Variants in TBK1 observed in about 807,000 individuals in gnomAD.
The protein encoded by TBK1 is TANK binding kinase 1, also known as serine/threonine-protein kinase TBK1.
In TBK1, 37 loss-of-function variants were observed where a neutral mutation model predicts 99.9. The observed-to-expected ratio is 0.37, with a 90% CI of 0.28 to 0.49. The LOEUF (loss-of-function observed/expected upper bound fraction) is 0.49, where lower values mean the gene tolerates loss of function less well. Ranked by LOEUF, TBK1 falls within the 20% of genes least tolerant of loss-of-function variation. The probability of loss-of-function intolerance (pLI) is 0.98; values close to 1 mark genes in which losing one functional copy is unlikely to be tolerated. For missense variants in TBK1, 644 were observed against 872.5 expected (o/e 0.74, Z 3.30); for synonymous variants, 258 against 279.8 (o/e 0.92, Z 0.78).
At chr12:64,454,543 G>A (rs1272585691) in intron 1 of TBK1, among the ~76,000 whole-genome samples, 3 of 151,908 alleles carry the variant, frequency 2.0e-5, no homozygotes, top group African/African-American at 7.3e-5. Context: ...CACTGCACCC[G>A]GCTGAGAAAT....
intron 5 of TBK1, among the ~76,000 whole-genome samples, chr12:64,471,155 C>G (rs562617809): frequency 6.6e-6 from 1 of 152,000 alleles, no homozygotes; most frequent in Non-Finnish European, 1.5e-5. Context: ...AAACATTCTT[C>G]TACTGTTTTT....
intron 2 of TBK1, among the ~76,000 whole-genome samples, 158 bp downstream of exon 2, chr12:64,456,115 A>G (rs898586472): frequency 5.3e-5 from 8 of 152,250 alleles, no homozygotes; most frequent in Admixed American, 2.6e-4. Flanking sequence ...TAGCTGTGTC[A>G]GGCAGTGAAC....
At position 64,497,721 on chromosome 12, in the gene TBK1, C is replaced by G; in HGVS notation, c.2033C>G (p.Pro678Arg). Reference sequence around the variant, plus strand: ...AAACATACCATGACCCCAATTTATCCAAGTTCTAACACATTAGTAGAAATG... The same window carrying G: ...AAACATACCATGACCCCAATTTATCGAAGTTCTAACACATTAGTAGAAATG... ...GIKHTMTPIY[P>R]SSNTLVEMTL... is the part of the protein sequence containing the mutation. Residue 678 changes from proline to arginine, a missense_variant, in exon 19 of 21, where the codon CCA becomes CGA. Physicochemically the swap from Pro to Arg is moderately radical, Grantham distance 103. Around this residue, in one of 3 missense-constraint regions of TBK1, gnomAD observed 465 missense variants for 588.0 expected, o/e 0.79. Coordinates refer to ENST00000331710, the MANE Select transcript of TBK1 (RefSeq NM_013254.4). The G allele has an allele frequency of 6.2e-7, 1 of 1,607,402 alleles. No individual in the cohort carries two copies. The highest frequency in any genetic ancestry group is 8.5e-7 in the Non-Finnish European group (1 of 1,177,568).
chr12:64,463,991 G>A (rs920117711), intron 3 of TBK1, among the ~76,000 whole-genome samples: 3 of 151,864 alleles, frequency 2.0e-5, no homozygotes, highest in Non-Finnish European at 4.4e-5. Context: ...AGTCTCCTGA[G>A]TAGCTGGGAC....
Position 64,496,418 on chromosome 12 carries a change from G to T in TBK1, c.1760+12G>T. ...CACAAATTTGATAAGTAAGTATCCA[G>T]ATTATGTTTAATAGTTATTTTTGGT... On this transcript the variant is annotated intron_variant, in intron 16 of 20. Coordinates refer to ENST00000331710, the MANE Select transcript of TBK1 (RefSeq NM_013254.4). 1 of 1,230,470 alleles carries T rather than the reference G, an allele frequency of 8.1e-7. No individual in the cohort carries two copies. The highest frequency in any genetic ancestry group is 2.4e-5 in the Admixed American group (1 of 41,228). 76.2% of individuals were successfully genotyped at this position (1,230,470 alleles called of 1,614,324 possible).
intron 6 of TBK1, among the ~76,000 whole-genome samples, chr12:64,479,404 A>G (rs572689228): frequency 6.6e-6 from 1 of 152,230 alleles, no homozygotes; most frequent in African/African-American, 2.4e-5. Context: ...CTGAGGAAGC[A>G]GCAAATGGTC....
At chr12:64,476,950 T>C (rs535865510) in intron 6 of TBK1, among the ~76,000 whole-genome samples, 35 of 152,330 alleles carry the variant, frequency 2.3e-4, no homozygotes, top group African/African-American at 8.4e-4. Flanking sequence ...TTTATTTTTG[T>C]CAACTTTGTC....
rs763273972 is a variant in TBK1, at chr12:64,497,609, T to C, written c.1960-39T>C. On this transcript the variant is annotated intron_variant, in intron 18 of 20. Transcript: ENST00000331710. ...AAGTACTTTTGTTCTGTGATTAATG[T>C]GGGGTTTTTTTCTTTTTTTTTTTTT... 5.1e-5 allele frequency: 64 copies of C among 1,245,706 alleles called. 1 individual carries two copies. The Admixed American group carries it at 1.6e-3, about 30-fold the overall frequency. The allele number at this position is 1,245,706 out of a possible 1,614,324, so 77.2% of individuals were successfully genotyped here. A position where few individuals can be genotyped will look rare whatever the true frequency, so the allele number is the denominator to read the frequency against.
chr12:64,466,874 G>C (rs200732619), intron 4 of TBK1, 27 bp from the exon 5 acceptor site: 15 of 1,513,770 alleles, frequency 9.9e-6, no homozygotes, highest in Non-Finnish European at 1.3e-5. Flanking sequence ...TCTACATTAT[G>C]ACTTCTTTTG....
rs2040797429 is a variant in TBK1 at position 64,484,329 on chromosome 12, A to G, written c.1019A>G (p.Tyr340Cys). ...NTATIFHELVYKQTKIISSNQ... is the reference protein window; with the variant it reads ...NTATIFHELVCKQTKIISSNQ... Reference sequence around the variant, plus strand: ...GCTACTATATTTCATGAACTGGTATATAAACAAACCAAAATTATTTCTTCA... The same window carrying G: ...GCTACTATATTTCATGAACTGGTATGTAAACAAACCAAAATTATTTCTTCA... Residue 340 changes from tyrosine (Y) to cysteine (C), a missense_variant, in exon 9 of 21, where the codon TAT becomes TGT. Around this residue, in one of 3 missense-constraint regions of TBK1, gnomAD observed 465 missense variants for 588.0 expected, o/e 0.79. Transcript: ENST00000331710. 6.2e-7 allele frequency: 1 copy of G among 1,613,178 alleles called. No homozygotes were observed.
At position 64,458,512 on chromosome 12, in the gene TBK1, C is replaced by CATATATATATATATATAT. The variant is rs10626258; in HGVS notation, c.88-1674_88-1657dup. ...GTTGATCTGCACATATGGATATATA[C>CATATATATATATATATAT]ATATATATATATATATATATGGATC... On this transcript the variant is annotated intron_variant, in intron 2 of 20. Transcript: ENST00000331710. Among the ~76,000 whole-genome samples, 169 of 144,122 alleles carry CATATATATATATATATAT rather than the reference C, an allele frequency of 1.2e-3. 2 individuals carry two copies. Among genetic ancestry groups the CATATATATATATATATAT allele is most frequent in the African/African-American group, 4.1e-3 (160 of 39,166 alleles). The allele number at this position is 144,122 out of a possible 152,430, so 94.5% of individuals were successfully genotyped here.
At chr12:64,461,828 T>A (rs993642234) in intron 3 of TBK1, among the ~76,000 whole-genome samples, 1 of 152,198 alleles carries the variant, frequency 6.6e-6, no homozygotes, top group South Asian at 2.1e-4. Context: ...GCTATACTTA[T>A]AATTACAGTT....
At chr12:64,468,205 G>A (rs1284369868) in intron 5 of TBK1, among the ~76,000 whole-genome samples, 1 of 151,756 alleles carries the variant, frequency 6.6e-6, no homozygotes, top group Non-Finnish European at 1.5e-5. Context: ...TTTAAAAAAA[G>A]GTACCTGGCC....
Position 64,496,402 on chromosome 12 carries a change from G to T in TBK1, c.1756G>T (p.Asp586Tyr). Residue 586 changes from aspartate to tyrosine, a missense_variant, in exon 16 of 21, where the codon GAT becomes TAT. By Grantham distance (160) the Asp-to-Tyr change is radical. This residue lies in a region of TBK1 where 465 missense variants were observed against 588.0 expected (regional missense o/e 0.79). Coordinates refer to ENST00000331710, the MANE Select transcript of TBK1 (RefSeq NM_013254.4). ...AYNEEQIHKF[D>Y]KQKLYYHATK... ...TAATGAAGAACAAATCCACAAATTT[G>T]ATAAGTAAGTATCCAGATTATGTTT... 7.9e-7 allele frequency: 1 copy of T among 1,259,520 alleles called. No homozygotes were observed. The highest frequency in any genetic ancestry group is 1.4e-5 in the South Asian group (1 of 70,944). 78.0% of individuals were successfully genotyped at this position (1,259,520 alleles called of 1,614,324 possible).
chr12:64,464,291 T>G, intron 3 of TBK1, 43 bp from the exon 4 acceptor site: 1 of 1,510,138 alleles, frequency 6.6e-7, no homozygotes, highest in Non-Finnish European at 8.9e-7. Flanking sequence ...TAATCAAAAT[T>G]TATTTTTTAT....
At chr12:64,497,073 G>C in intron 17 of TBK1, 23 bp downstream of exon 17, 1 of 1,597,146 alleles carries the variant, frequency 6.3e-7, no homozygotes, top group Non-Finnish European at 8.6e-7. Context: ...CTTTTGGAGT[G>C]ATTAGTGGTT....
intron 6 of TBK1, among the ~76,000 whole-genome samples, chr12:64,475,547 C>T (rs2040703358): frequency 6.6e-6 from 1 of 152,122 alleles, no homozygotes; most frequent in African/African-American, 2.4e-5. Context: ...ATGATGGGCT[C>T]CACAGCACAG....
At chr12:64,466,591 T>C (rs920110327) in intron 4 of TBK1, among the ~76,000 whole-genome samples, 2 of 152,126 alleles carry the variant, frequency 1.3e-5, no homozygotes, top group South Asian at 4.1e-4. Context: ...CACCCACATA[T>C]ATATAACCAA....
intron 20 of TBK1, among the ~76,000 whole-genome samples, chr12:64,501,083 C>T (rs1190377995): frequency 6.6e-6 from 1 of 151,974 alleles, no homozygotes; most frequent in Non-Finnish European, 1.5e-5. Context: ...CTTATAAATC[C>T]CACCCCACCA....
Sources: gnomAD v4.1 joint callset for allele counts (sites outside exome capture counted in the v4.1 genomes callset) on GRCh38, gnomAD v4.1.1 for gene constraint, gnomAD v4.1.1 regional missense constraint, MANE v1.5 for transcripts, NCBI Gene and HGNC (gene_info 2026-07-23, HGNC 2026-07-21) for gene names.